The following LRBA variants were observed in gnomAD, a reference collection of about 807,000 sequenced individuals.
The protein encoded by LRBA is lipopolysaccharide-responsive and beige-like anchor protein.
Under a neutral mutation model 330.0 loss-of-function variants are expected in LRBA, and 176 were observed. The observed-to-expected ratio is 0.53, with a 90% CI of 0.47 to 0.60. The LOEUF is 0.60. LRBA is among the 20% of genes least tolerant of loss of function. LRBA has a pLI of 0.00. For missense variants in LRBA, 3,259 were observed against 3,444.8 expected (o/e 0.95, Z 1.35); for synonymous variants, 1,230 against 1,193.0 (o/e 1.03, Z -0.64).
At chr4:150,339,308 T>G (rs1485000134) in intron 48 of LRBA, among the ~76,000 whole-genome samples, 2 of 152,152 alleles carry the variant, frequency 1.3e-5, no homozygotes, top group Admixed American at 6.6e-5. Flanking sequence ...CTGTCAAAGT[T>G]ACACGAAGAT....
At chr4:150,911,495 C>T (rs1731984954) in intron 9 of LRBA, among the ~76,000 whole-genome samples, 1 of 152,116 alleles carries the variant, frequency 6.6e-6, no homozygotes, top group African/African-American at 2.4e-5. Flanking sequence ...TGGTACATTG[C>T]ATTGACTGAT....
chr4:150,707,714 A>G (rs1315307378), intron 36 of LRBA, among the ~76,000 whole-genome samples: 1 of 151,734 alleles, frequency 6.6e-6, no homozygotes, highest in African/African-American at 2.4e-5. Context: ...TCTAGCAAAA[A>G]AGTCTGGTAG....
intron 37 of LRBA, among the ~76,000 whole-genome samples, chr4:150,620,647 C>A (rs559131317): frequency 2.0e-5 from 3 of 152,260 alleles, no homozygotes; most frequent in Non-Finnish European, 4.4e-5. Flanking sequence ...GAAATAATGT[C>A]TTTTGCAACA....
chr4:150,935,090 C>T (rs957271233), intron 2 of LRBA, among the ~76,000 whole-genome samples: 15 of 150,306 alleles, frequency 1.0e-4, no homozygotes, highest in African/African-American at 3.4e-4. Flanking sequence ...GCAGGAGAAT[C>T]GCTTGAACCC....
intron 37 of LRBA, among the ~76,000 whole-genome samples, chr4:150,637,879 C>T (rs1055166392): frequency 1.3e-4 from 20 of 152,096 alleles, no homozygotes; most frequent in Non-Finnish European, 2.8e-4. Context: ...AGCTGTTAAG[C>T]TTTAGAGTGA....
chr4:150,455,970 G>A (rs912087258), intron 44 of LRBA, among the ~76,000 whole-genome samples: 3 of 152,052 alleles, frequency 2.0e-5, no homozygotes, highest in Non-Finnish European at 4.4e-5. Context: ...ATGACCTCTA[G>A]TTCTATCCAT....
At chr4:150,811,903 T>C (rs1292601060) in intron 31 of LRBA, among the ~76,000 whole-genome samples, 1 of 152,164 alleles carries the variant, frequency 6.6e-6, no homozygotes. Flanking sequence ...GTAACAAAAA[T>C]TATTTCCTCA....
rs185020721 is a variant in LRBA, at chr4:150,826,921, T to C, written c.5171+1259A>G. 3.1e-4 allele frequency among the ~76,000 whole-genome samples: 47 copies of C among 152,274 alleles called. 1 individual carries two copies. In the East Asian group the frequency reaches 5.4e-3, roughly 17 times the overall value. ...AAACCATCAAGTTTGAAACAATAAA[T>C]TCCTCCTAGAGAAGACTGTGTTTCT... On this transcript the variant is annotated intron_variant, in intron 30 of 56. Coordinates refer to ENST00000651943, the MANE Select transcript of LRBA (RefSeq NM_001364905.1).
intron 2 of LRBA, among the ~76,000 whole-genome samples, chr4:151,004,407 A>G (rs1489849268): frequency 1.3e-5 from 2 of 152,232 alleles, no homozygotes; most frequent in Non-Finnish European, 2.9e-5. Flanking sequence ...ACAGGCAGGT[A>G]GCATATACAT....
intron 9 of LRBA, among the ~76,000 whole-genome samples, chr4:150,909,426 TC>T (rs933107620): frequency 1.3e-5 from 2 of 152,210 alleles, no homozygotes; most frequent in Non-Finnish European, 2.9e-5. Context: ...TCTTCACAGT[TC>T]CTCCATGTTT....
chr4:150,651,410 T>C (rs925946892), intron 37 of LRBA, among the ~76,000 whole-genome samples: 9 of 152,190 alleles, frequency 5.9e-5, no homozygotes, highest in African/African-American at 1.9e-4. Context: ...TAAGTATTAA[T>C]TGAAGAAATA....
chr4:150,437,813 G>A (rs188125694), intron 44 of LRBA, among the ~76,000 whole-genome samples: 20 of 152,258 alleles, frequency 1.3e-4, no homozygotes, highest in African/African-American at 4.6e-4. Context: ...TAGAATTTGG[G>A]TTAAAGAGTT....
chr4:150,565,036 C>T (rs1768945373), intron 40 of LRBA, among the ~76,000 whole-genome samples: 1 of 151,774 alleles, frequency 6.6e-6, no homozygotes. Context: ...ATAAATCATT[C>T]TACTATAAAG....
chr4:150,592,144 G>GTTTTT lies in LRBA; in HGVS notation c.6047-1290_6047-1286dup, dbSNP rs10685627. On this transcript the variant is annotated intron_variant, in intron 38 of 56. Transcript: ENST00000651943. ...TTGATATGGAAATCGGATGGCTAGGGTTTTTTTTTTTTTTTTTTTTTTTTT... is the reference window on the plus strand; with the variant it reads ...TTGATATGGAAATCGGATGGCTAGGGTTTTTTTTTTTTTTTTTTTTTTTTTTTTTT... Among the ~76,000 whole-genome samples the GTTTTT allele has an allele frequency of 9.2e-4, 60 of 65,190 alleles. 7 individuals carry two copies. Among genetic ancestry groups the GTTTTT allele is most frequent in the African/African-American group, 1.7e-3 (24 of 14,526 alleles). 42.8% of individuals were successfully genotyped at this position (65,190 alleles called of 152,430 possible).
chr4:150,850,870 T>C lies in LRBA; in HGVS notation c.3858A>G (p.Gly1286=), dbSNP rs765152296. 2.2e-5 allele frequency: 35 copies of C among 1,612,120 alleles called. No homozygotes were observed. Among genetic ancestry groups the C allele is most frequent in the Non-Finnish European group, 2.8e-5 (33 of 1,179,522 alleles). ...GTCCATTAACTGCATCTGGTGCTAT[T>C]CCTTGCCCTGGCTGCTCATGTTGCC... ...ISRQHEQPGQ[G]IAPDAVNGQR... is the part of the protein sequence containing the mutation. The change falls in exon 24 of 57, where the codon GGA becomes GGG. Residue 1286 remains glycine (G), a synonymous_variant. Transcript: ENST00000651943.
chr4:150,851,850 CA>C (rs766372668), intron 23 of LRBA, 34 bp downstream of exon 23: 1 of 1,533,834 alleles, frequency 6.5e-7, no homozygotes, highest in Admixed American at 2.2e-5. Flanking sequence ...TAACTCAGTG[CA>C]AAAGTACTTG....
At chr4:150,921,950 C>T (rs1269307588) in intron 4 of LRBA, among the ~76,000 whole-genome samples, 1 of 152,052 alleles carries the variant, frequency 6.6e-6, no homozygotes, top group African/African-American at 2.4e-5. Flanking sequence ...GGTCTCGAAC[C>T]AACCTCAGGT....
intron 37 of LRBA, among the ~76,000 whole-genome samples, chr4:150,679,336 T>A (rs1561506985): frequency 6.6e-6 from 1 of 152,180 alleles, no homozygotes; most frequent in Non-Finnish European, 1.5e-5. Context: ...TAAAATGACA[T>A]ACTACAAGAT....
intron 34 of LRBA, among the ~76,000 whole-genome samples, chr4:150,771,557 AT>A (rs139956426): frequency 1.9e-3 from 297 of 152,330 alleles, no homozygotes; most frequent in African/African-American, 7.0e-3. Context: ...ATAAATTTGT[AT>A]CCAGAGTGAG....
Sources: allele counts gnomAD v4.1 joint callset (sites outside exome capture counted in the v4.1 genomes callset), GRCh38; gene constraint gnomAD v4.1.1; transcripts MANE v1.5; gene names NCBI Gene and HGNC (gene_info 2026-07-23, HGNC 2026-07-21).